Variants in ORC1 observed in about 807,000 individuals in gnomAD.
The protein encoded by ORC1 is origin recognition complex, subunit 1 homolog.
A neutral mutation model predicts 98.9 loss-of-function variants in ORC1; 61 were observed. The ratio of observed to expected loss-of-function variants is 0.62; its 90% CI spans 0.50 to 0.76. The LOEUF (loss-of-function observed/expected upper bound fraction) is 0.76. Ranked by LOEUF, ORC1 falls within the 30% of genes least tolerant of loss-of-function variation. The pLI is 0.00. For synonymous variants in ORC1, 385 were observed against 406.9 expected (o/e 0.95, Z 0.65); for missense variants, 979 against 1,072.2 (o/e 0.91, Z 1.21).
At chr1:52,385,705 A>G in intron 9 of ORC1, 147 bp downstream of exon 9, 3 of 716,958 alleles carry the variant, frequency 4.2e-6, no homozygotes, top group South Asian at 1.5e-5. Flanking sequence ...TTCTAAACAT[A>G]CACTCACTTT....
chr1:52,402,166 G>A lies in ORC1; in HGVS notation c.58C>T (p.Pro20Ser). ...TRKTYSWVGR[P>S]LLDRKLHYQT... ...TAGTGCAGTTTTCGATCCAACAAGG[G>A]CCTGCCAACCCATGAATAAGTTTTT... Residue 20 changes from proline (P) to serine (S), a missense_variant, in exon 2 of 17, where the codon CCC becomes TCC. Coordinates refer to ENST00000371568, the MANE Select transcript of ORC1 (RefSeq NM_004153.4). 1.9e-6 allele frequency: 3 copies of A among 1,614,120 alleles called. No homozygotes were observed. The highest frequency in any genetic ancestry group is 2.5e-6 in the Non-Finnish European group (3 of 1,180,020).
chr1:52,391,312 CAAA>C (rs57169076), intron 6 of ORC1, among the ~76,000 whole-genome samples: 2 of 70,152 alleles, frequency 2.9e-5, no homozygotes, highest in Non-Finnish European at 3.2e-5. Flanking sequence ...GACTCCATCT[CAAA>C]AAAAAAAAAA....
intron 3 of ORC1, among the ~76,000 whole-genome samples, chr1:52,400,224 T>C (rs1351661626): frequency 6.6e-6 from 1 of 152,164 alleles, no homozygotes; most frequent in Non-Finnish European, 1.5e-5. Flanking sequence ...CCAAGACCAG[T>C]AGATGCTTGA....
chr1:52,402,032 T>C (rs1647733037), intron 2 of ORC1, 97 bp downstream of exon 2: 4 of 890,772 alleles, frequency 4.5e-6, no homozygotes, highest in East Asian at 2.5e-5. Context: ...TGTTCATTCA[T>C]GGTCAATCTG....
At chr1:52,397,258 C>A (rs1229980827) in intron 4 of ORC1, among the ~76,000 whole-genome samples, 1 of 152,168 alleles carries the variant, frequency 6.6e-6, no homozygotes, top group Non-Finnish European at 1.5e-5. Flanking sequence ...TGCAAACCAG[C>A]CGCTCATTAG....
In ORC1 at chr1:52,373,121, G is replaced by T. The variant is rs1016969039; in HGVS notation, c.*60C>A. On this transcript the variant is annotated 3_prime_UTR_variant, in exon 17 of 17. Transcript: ENST00000371568. ...CACTCCAGCCTGGGCGACAGAGCAA[G>T]ACCCTGTCTCAAAAAACAAAACCCA... 1 of 1,528,920 alleles carries T rather than the reference G, an allele frequency of 6.5e-7. No homozygotes were observed. Among genetic ancestry groups the T allele is most frequent in the South Asian group, 1.1e-5 (1 of 88,794 alleles). The allele number at this position is 1,528,920 out of a possible 1,614,324, so 94.7% of individuals were successfully genotyped here. A position where few individuals can be genotyped will look rare whatever the true frequency, so the allele number is the denominator to read the frequency against.
chr1:52,383,965 G>A (rs751745863), intron 11 of ORC1, 28 bp from the exon 12 acceptor site: 12 of 1,554,382 alleles, frequency 7.7e-6, no homozygotes. Context: ...CAGTTGTGAG[G>A]AACTGTAAGG....
intron 8 of ORC1, among the ~76,000 whole-genome samples, chr1:52,386,932 G>A (rs562100803): frequency 6.6e-6 from 1 of 152,174 alleles, no homozygotes; most frequent in South Asian, 2.1e-4. Flanking sequence ...GCCTGGGCAA[G>A]AGACAGAGCA....
At position 52,396,411 on chromosome 1, in the gene ORC1, G is replaced by C. The variant is rs757282739; in HGVS notation, c.403-47C>G. 7.3e-5 allele frequency: 117 copies of C among 1,611,860 alleles called. 1 individual carries two copies. In the South Asian group the frequency reaches 1.2e-3, roughly 16 times the overall value. Reference sequence around the variant, plus strand: ...AAGTAGGAAGAGATGAGCCCCAAGAGAGCCAAGGAGTATTCCATCAGAGCT... The same window carrying C: ...AAGTAGGAAGAGATGAGCCCCAAGACAGCCAAGGAGTATTCCATCAGAGCT... On this transcript the variant is annotated intron_variant, in intron 4 of 16. Coordinates refer to ENST00000371568, the MANE Select transcript of ORC1 (RefSeq NM_004153.4).
chr1:52,397,607 T>A, intron 4 of ORC1, 78 bp downstream of exon 4: 1 of 1,346,434 alleles, frequency 7.4e-7, no homozygotes, highest in African/African-American at 1.4e-5. Flanking sequence ...GAGCCGGTAA[T>A]ATTTCTGGGG....
In ORC1 at chr1:52,388,657, T is replaced by A. The variant is rs775502549; in HGVS notation, c.1188-20A>T. Reference sequence around the variant, plus strand: ...AGAAACCTGAATGGTAGGGACATATTTTTTGATACTCAGTGTTCAAGTCTA... The same window carrying A: ...AGAAACCTGAATGGTAGGGACATATATTTTGATACTCAGTGTTCAAGTCTA... On this transcript the variant is annotated intron_variant, in intron 7 of 16. Transcript: ENST00000371568. 5.6e-6 allele frequency: 9 copies of A among 1,594,226 alleles called. No homozygotes were observed. The South Asian group carries it at 8.8e-5, about 16-fold the overall frequency.
At position 52,383,502 on chromosome 1, in the gene ORC1, T is replaced by C. The variant is rs1393923275; in HGVS notation, c.1931A>G (p.Glu644Gly). Residue 644 changes from glutamate to glycine, a missense_variant, in exon 13 of 17, where the codon GAG becomes GGG. By Grantham distance (98) the Glu-to-Gly change is moderately conservative. Transcript: ENST00000371568. ...YNLFDWPTHK[E>G]ARLVVLAIAN... is the part of the protein sequence containing the mutation. ...AATTGCCAGGACCACAAGCCGGGCCTCCTTATGAGTGGGCCAGTCAAAGAG... is the reference window on the plus strand; with the variant it reads ...AATTGCCAGGACCACAAGCCGGGCCCCCTTATGAGTGGGCCAGTCAAAGAG... 2 of 1,613,742 alleles carry C rather than the reference T, an allele frequency of 1.2e-6. No individual in the cohort carries two copies. Among genetic ancestry groups the C allele is most frequent in the East Asian group, 4.5e-5 (2 of 44,878 alleles).
intron 3 of ORC1, 41 bp from the exon 4 acceptor site, chr1:52,397,904 C>G: frequency 6.4e-7 from 1 of 1,565,722 alleles, no homozygotes; most frequent in Non-Finnish European, 8.8e-7. Flanking sequence ...TAAGACAACT[C>G]AAGGACACTT....
chr1:52,404,636 T>C, upstream of ORC1: 1 of 1,217,800 alleles, frequency 8.2e-7, no homozygotes, highest in Non-Finnish European at 1.1e-6. Flanking sequence ...GATGGTCGCC[T>C]AAGCTGTTTA....
rs780743778 is a variant in ORC1 at position 52,384,716 on chromosome 1, A to G, written c.1589T>C (p.Met530Thr). 1.2e-6 allele frequency: 2 copies of G among 1,613,482 alleles called. No individual in the cohort carries two copies. The highest frequency in any genetic ancestry group is 1.7e-6 in the Non-Finnish European group (2 of 1,179,834). The stretch of plus-strand genomic sequence containing the variant: ...TGTCCCAGGGACACCGGAGATGTAC[A>G]TGCACCTAGAGCAAGAGAGGAAAAC... ...SKLLDHTGGCMYISGVPGTGK... is the reference protein window; with the variant it reads ...SKLLDHTGGCTYISGVPGTGK... The change falls in exon 11 of 17, where the codon ATG becomes ACG. Residue 530 changes from methionine (M) to threonine (T), a missense_variant. Physicochemically the swap from Met to Thr is moderately conservative, Grantham distance 81. Transcript: ENST00000371568.
intron 6 of ORC1, among the ~76,000 whole-genome samples, 184 bp from the exon 7 acceptor site, chr1:52,389,505 G>A (rs113832295): frequency 6.6e-6 from 1 of 152,006 alleles, no homozygotes; most frequent in African/African-American, 2.4e-5. Flanking sequence ...TATAATTGAA[G>A]CTTGACTCAA....
intron 14 of ORC1, 105 bp from the exon 15 acceptor site, chr1:52,375,704 C>G: frequency 9.6e-7 from 1 of 1,038,528 alleles, no homozygotes; most frequent in Non-Finnish European, 1.5e-6. Context: ...AAGTACTTAG[C>G]CCTGGCAGGG....
chr1:52,393,510 TA>T lies in ORC1; in HGVS notation c.1014del (p.Ile339SerfsTer13). 1 of 1,614,096 alleles carries T rather than the reference TA, an allele frequency of 6.2e-7. No homozygotes were observed. The highest frequency in any genetic ancestry group is 8.5e-7 in the Non-Finnish European group (1 of 1,180,008). Reference sequence around the variant, plus strand: ...ACTGAAGATCTCTGTCCCCCACTGATAGGGGTAAGTGTTCTCTCCTCTCTAA... The same window carrying T: ...ACTGAAGATCTCTGTCCCCCACTGATGGGGTAAGTGTTCTCTCCTCTCTAA... ...IDIREERTLT[P>X]ISGGQRSSVV... On this transcript the variant is annotated frameshift_variant, in exon 6 of 17. Transcript: ENST00000371568. LOFTEE classifies it high-confidence loss of function.
intron 14 of ORC1, among the ~76,000 whole-genome samples, chr1:52,380,605 G>A (rs1569912838): frequency 6.6e-6 from 1 of 151,628 alleles, no homozygotes; most frequent in Non-Finnish European, 1.5e-5. Flanking sequence ...TGAGGCAGGA[G>A]AATCTCTTGA....
Sources: gnomAD v4.1 joint callset for allele counts (sites outside exome capture counted in the v4.1 genomes callset) on GRCh38, gnomAD v4.1.1 for gene constraint, MANE v1.5 for transcripts, NCBI Gene and HGNC (gene_info 2026-07-23, HGNC 2026-07-21) for gene names.